HPSE2: variants seen among roughly 807,000 people sequenced by gnomAD.
The protein encoded by HPSE2 is inactive heparanase-2.
In HPSE2, 38 loss-of-function variants were observed where a neutral mutation model predicts 60.5. That is an observed-to-expected ratio of 0.63 (90% CI 0.48 to 0.82). HPSE2 has a LOEUF of 0.82. HPSE2 is among the 40% of genes least tolerant of loss of function. The pLI is 0.00. For missense variants in HPSE2, 713 were observed against 740.4 expected, an observed-to-expected ratio of 0.96 and a Z score of 0.43; for synonymous variants, 295 against 293.2, an observed-to-expected ratio of 1.01 and a Z score of -0.06.
the HPSE2 span, among the ~76,000 whole-genome samples, chr10:99,279,781 T>C: frequency 3.9e-5 from 6 of 152,188 alleles, no homozygotes; most frequent in East Asian, 1.9e-4. Flanking sequence ...CCCTCAGAGA[T>C]TGGCAAGTCA....
intron 3 of HPSE2, among the ~76,000 whole-genome samples, chr10:98,758,913 T>C (rs1405295883): frequency 6.6e-6 from 1 of 152,134 alleles, no homozygotes; most frequent in Non-Finnish European, 1.5e-5. Context: ...CTAGTCACAA[T>C]AGTGAAGACA....
At chr10:98,621,918 G>A (rs1946085444) in intron 7 of HPSE2, among the ~76,000 whole-genome samples, 1 of 152,154 alleles carries the variant, frequency 6.6e-6, no homozygotes, top group Admixed American at 6.5e-5. Context: ...GTAGGAGGTG[G>A]GACTGGGAGG....
At chr10:98,765,183 A>G (rs1331192974) in intron 3 of HPSE2, among the ~76,000 whole-genome samples, 2 of 152,234 alleles carry the variant, frequency 1.3e-5, no homozygotes, top group African/African-American at 4.8e-5. Context: ...AACTTGAAGA[A>G]CACTGAAGAC....
chr10:98,993,684 C>T (rs1035661615), intron 3 of HPSE2, among the ~76,000 whole-genome samples: 3 of 152,188 alleles, frequency 2.0e-5, no homozygotes, highest in Non-Finnish European at 4.4e-5. Flanking sequence ...AGACTATGCT[C>T]ATGTTGTCCA....
intron 3 of HPSE2, among the ~76,000 whole-genome samples, chr10:98,805,156 G>A (rs1177210526): frequency 6.6e-6 from 1 of 152,030 alleles, no homozygotes; most frequent in East Asian, 1.9e-4. Context: ...TGGGAAGCTG[G>A]GTGCAGAGGA....
intron 9 of HPSE2, among the ~76,000 whole-genome samples, chr10:98,510,190 TTCAC>T (rs1942343801): frequency 6.6e-6 from 1 of 152,218 alleles, no homozygotes; most frequent in East Asian, 1.9e-4. Flanking sequence ...CTTTACTTAC[TTCAC>T]TCACTATTTC....
intron 9 of HPSE2, among the ~76,000 whole-genome samples, chr10:98,499,815 G>A (rs1352030060): frequency 6.6e-6 from 1 of 152,132 alleles, no homozygotes; most frequent in Non-Finnish European, 1.5e-5. Flanking sequence ...ATAAAGTAAA[G>A]GGGTGGAAAA....
intron 9 of HPSE2, among the ~76,000 whole-genome samples, chr10:98,587,466 A>G (rs879260140): frequency 6.6e-6 from 1 of 152,244 alleles, no homozygotes; most frequent in African/African-American, 2.4e-5. Context: ...CAACTGATAC[A>G]TGTTTCTACT....
chr10:98,635,595 A>G (rs1489313943), intron 7 of HPSE2, among the ~76,000 whole-genome samples: 1 of 152,128 alleles, frequency 6.6e-6, no homozygotes, highest in Admixed American at 6.5e-5. Flanking sequence ...ACCCTGGTCA[A>G]CACAGCAAGA....
chr10:98,484,726 C>A (rs891493765), intron 10 of HPSE2, among the ~76,000 whole-genome samples: 1 of 152,104 alleles, frequency 6.6e-6, no homozygotes, highest in Non-Finnish European at 1.5e-5. Flanking sequence ...TTTTACCTAC[C>A]TCAAGATTAT....
Position 98,931,302 on chromosome 10 carries a change from T to G in HPSE2, c.611-187246A>C. 1.4e-5 allele frequency among the ~76,000 whole-genome samples: 2 copies of G among 143,380 alleles called. 1 individual carries two copies. Among genetic ancestry groups the G allele is most frequent in the Admixed American group, 1.4e-4 (2 of 14,396 alleles). The allele number at this position is 143,380 out of a possible 152,430, so 94.1% of individuals were successfully genotyped here. A position where few individuals can be genotyped will look rare whatever the true frequency, so the allele number is the denominator to read the frequency against. ...GTAGATGGGCAGTTTTATTTCTAAG[T>G]TCTCTATTCTGTTCCATTTGTCTAT... On this transcript the variant is annotated intron_variant, in intron 3 of 11. Coordinates refer to ENST00000370552, the MANE Select transcript of HPSE2 (RefSeq NM_021828.5).
chr10:98,990,879 T>C (rs1231199204), intron 3 of HPSE2, among the ~76,000 whole-genome samples: 10 of 152,136 alleles, frequency 6.6e-5, no homozygotes, highest in African/African-American at 9.7e-5. Context: ...ACACACAAAA[T>C]GTCTTAGTTT....
chr10:98,471,353 T>C (rs1189256867), intron 11 of HPSE2, among the ~76,000 whole-genome samples: 4 of 152,064 alleles, frequency 2.6e-5, no homozygotes, highest in Non-Finnish European at 4.4e-5. Context: ...GCATTGGGGT[T>C]TCTAAAGCTC....
At chr10:98,908,284 T>TG (rs1953879127) in intron 3 of HPSE2, among the ~76,000 whole-genome samples, 1 of 152,192 alleles carries the variant, frequency 6.6e-6, no homozygotes, top group Non-Finnish European at 1.5e-5. Context: ...TGCCACATTT[T>TG]GAAAAACAAC....
At chr10:99,279,045 TGTTTC>T in the HPSE2 span, among the ~76,000 whole-genome samples, 1 of 152,130 alleles carries the variant, frequency 6.6e-6, no homozygotes, top group Admixed American at 6.6e-5. Flanking sequence ...ACAAAAACTA[TGTTTC>T]TCTCCTAGTT....
intron 3 of HPSE2, among the ~76,000 whole-genome samples, chr10:98,876,597 T>C (rs1459245542): frequency 6.6e-6 from 1 of 151,932 alleles, no homozygotes; most frequent in African/African-American, 2.4e-5. Context: ...TGAGCCTATT[T>C]TCAGCCATCC....
At position 98,630,399 on chromosome 10, in the gene HPSE2, A is replaced by T. The variant is rs143665142; in HGVS notation, c.1099-9691T>A. On this transcript the variant is annotated intron_variant, in intron 7 of 11. Transcript: ENST00000370552. ...TTTTTAGTAGAGACGGTGTTTCACC[A>T]TGTTAGCCAAGATGGTCTCGATCTC... 3.6e-3 allele frequency among the ~76,000 whole-genome samples: 549 copies of T among 152,054 alleles called. 2 individuals carry two copies. The highest frequency in any genetic ancestry group is 0.012 in the African/African-American group (517 of 41,508).
intron 5 of HPSE2, among the ~76,000 whole-genome samples, chr10:98,709,680 C>T (rs1401693158): frequency 2.6e-5 from 4 of 152,196 alleles, no homozygotes; most frequent in Non-Finnish European, 5.9e-5. Context: ...AGTTCCTACC[C>T]CCACCCAACA....
intron 3 of HPSE2, among the ~76,000 whole-genome samples, chr10:98,943,182 G>A (rs1955069806): frequency 1.3e-5 from 2 of 151,490 alleles, no homozygotes. Flanking sequence ...GTATACATAT[G>A]TAACTAACGT....
Sources: allele counts gnomAD v4.1 joint callset (sites outside exome capture counted in the v4.1 genomes callset), GRCh38; gene constraint gnomAD v4.1.1; transcripts MANE v1.5; gene names NCBI Gene and HGNC (gene_info 2026-07-23, HGNC 2026-07-21).